Variants in EPB41 observed in about 807,000 individuals in gnomAD.
EPB41 encodes erythrocyte membrane protein band 4.1.
EPB41 carries 65 observed loss-of-function variants against 108.0 expected under a neutral mutation model. The ratio of observed to expected loss-of-function variants is 0.60; its 90% CI spans 0.49 to 0.74. The LOEUF (loss-of-function observed/expected upper bound fraction) is 0.74, where lower values mean the gene tolerates loss of function less well. Ranked by LOEUF, EPB41 falls within the 30% of genes least tolerant of loss-of-function variation. The pLI, the probability that EPB41 is intolerant of heterozygous loss-of-function variation, is 0.00. For missense variants in EPB41, 875 were observed against 1,037.0 expected (o/e 0.84, Z 2.15); for synonymous variants, 336 against 358.9 (o/e 0.94, Z 0.72).
chr1:29,038,925 C>G (rs1370491321), intron 10 of EPB41, among the ~76,000 whole-genome samples: 1 of 152,092 alleles, frequency 6.6e-6, no homozygotes, highest in Non-Finnish European at 1.5e-5. Context: ...TAAGTAACTT[C>G]TTTTTTGAGG....
rs1468243520 is a variant in EPB41, at chr1:29,119,417, C to T, written c.*2605C>T. On this transcript the variant is annotated 3_prime_UTR_variant, in exon 21 of 21. Transcript: ENST00000343067. Reference sequence around the variant, plus strand: ...CAGTTTTCCTAGAGTGACTCAGACACACCACAGTAACAACTCTCGCTGCAA... The same window carrying T: ...CAGTTTTCCTAGAGTGACTCAGACATACCACAGTAACAACTCTCGCTGCAA... 6.6e-6 allele frequency: 1 copy of T among 152,644 alleles called. No individual in the cohort carries two copies. Among genetic ancestry groups the T allele is most frequent in the Non-Finnish European group, 1.5e-5 (1 of 68,038 alleles). 9.5% of individuals were successfully genotyped at this position (152,644 alleles called of 1,614,324 possible). A position where few individuals can be genotyped will look rare whatever the true frequency, so the allele number is the denominator to read the frequency against.
intron 10 of EPB41, among the ~76,000 whole-genome samples, chr1:29,036,461 A>G (rs4654385): frequency 0.15 from 22,626 of 151,684 alleles, 2,068 homozygotes; most frequent in East Asian, 0.47. Context: ...CGCTTTCACT[A>G]TGTTGGTCAG....
intron 15 of EPB41, among the ~76,000 whole-genome samples, chr1:29,061,771 G>A (rs1015686509): frequency 2.0e-5 from 3 of 151,476 alleles, no homozygotes; most frequent in African/African-American, 7.3e-5. Context: ...GTAGAGACAG[G>A]ATCTCAGTAT....
At chr1:28,911,522 T>C (rs548245158), upstream of EPB41, among the ~76,000 whole-genome samples, 1 of 152,246 alleles carries the variant, frequency 6.6e-6, no homozygotes. Flanking sequence ...TAGCACTTCA[T>C]GGCATAGAGA....
rs372836360 is a variant in EPB41, at chr1:28,947,657, C to G, written c.-8+32889C>G. Among the ~76,000 whole-genome samples the G allele has an allele frequency of 7.3e-5, 11 of 151,148 alleles. No individual in the cohort carries two copies. In the East Asian group the frequency reaches 2.0e-3, roughly 27 times the overall value. The stretch of plus-strand genomic sequence containing the variant: ...GTGTGGCCAACATGATGAAACCTGT[C>G]TCTATCAAAAATACAAAAATTAGCT... On this transcript the variant is annotated intron_variant, in intron 1 of 20. Transcript: ENST00000343067.
intron 16 of EPB41, among the ~76,000 whole-genome samples, chr1:29,074,832 A>G (rs1231985110): frequency 6.6e-6 from 1 of 152,224 alleles, no homozygotes; most frequent in African/African-American, 2.4e-5. Context: ...TATAGATAAC[A>G]TTGTGGAGAA....
At chr1:28,957,427 C>T (rs991083530) in intron 1 of EPB41, among the ~76,000 whole-genome samples, 7 of 151,784 alleles carry the variant, frequency 4.6e-5, no homozygotes, top group Admixed American at 1.3e-4. Flanking sequence ...TTTTTTGAAA[C>T]GGAGTCTCAC....
intron 17 of EPB41, 59 bp from the exon 18 acceptor site, chr1:29,109,277 T>C (rs1442548307): frequency 3.7e-5 from 49 of 1,308,300 alleles, no homozygotes; most frequent in Non-Finnish European, 5.4e-5. Flanking sequence ...AGCTGCAGCC[T>C]GCAACATTTG....
chr1:28,922,176 G>T (rs992484208), intron 1 of EPB41, among the ~76,000 whole-genome samples: 2 of 151,374 alleles, frequency 1.3e-5, no homozygotes, highest in African/African-American at 4.9e-5. Context: ...CACCGTGTTG[G>T]TTAGACTGGT....
At chr1:29,096,091 TCA>T in intron 16 of EPB41, 2 of 931,332 alleles carry the variant, frequency 2.1e-6, no homozygotes, top group Non-Finnish European at 2.6e-6. Flanking sequence ...TTGTTGATTC[TCA>T]GAGTTCATTC....
At chr1:29,010,841 A>AG (rs773159146) in intron 4 of EPB41, among the ~76,000 whole-genome samples, 21 of 152,312 alleles carry the variant, frequency 1.4e-4, no homozygotes, top group Middle Eastern at 3.4e-3. Flanking sequence ...GGCCAGGCAT[A>AG]GTGGCTCATG....
At chr1:29,065,215 G>A (rs754129093) in intron 16 of EPB41, 57 bp downstream of exon 16, 2 of 1,505,188 alleles carry the variant, frequency 1.3e-6, no homozygotes, top group Non-Finnish European at 1.8e-6. Flanking sequence ...ATGTTTTTAT[G>A]TATTAATATT....
intron 2 of EPB41, chr1:28,989,355 G>A (rs1371527864): frequency 1.0e-6 from 1 of 965,584 alleles, no homozygotes; most frequent in East Asian, 1.1e-4. Flanking sequence ...TTTATTTTCA[G>A]CCTCACCATT....
chr1:29,060,606 T>C, intron 15 of EPB41, 122 bp downstream of exon 15: 3 of 824,458 alleles, frequency 3.6e-6, no homozygotes, highest in South Asian at 2.9e-5. Flanking sequence ...GAAGGGACTT[T>C]AGGTTTAAAA....
In EPB41 at chr1:28,994,102, G is replaced by A. The variant is rs952185447; in HGVS notation, c.681+560G>A. Among the ~76,000 whole-genome samples the A allele has an allele frequency of 2.2e-4, 33 of 152,088 alleles. 1 individual carries two copies. Among genetic ancestry groups the A allele is most frequent in the African/African-American group, 7.5e-4 (31 of 41,416 alleles). ...CTGAAAGAATAAGTGATTGAATCAG[G>A]ATTGAAGAAAAATATCAGAGTTATT... On this transcript the variant is annotated intron_variant, in intron 3 of 20. Coordinates refer to ENST00000343067, the MANE Select transcript of EPB41 (RefSeq NM_001376013.1).
intron 7 of EPB41, among the ~76,000 whole-genome samples, chr1:29,022,776 A>G (rs1347344317): frequency 6.6e-6 from 1 of 152,018 alleles, no homozygotes; most frequent in African/African-American, 2.4e-5. Flanking sequence ...TTCAAACTAC[A>G]TGTCTGTGTG....
chr1:28,907,740 G>A (rs2091945544), intron 1 of EPB41, among the ~76,000 whole-genome samples: 1 of 152,050 alleles, frequency 6.6e-6, no homozygotes, highest in South Asian at 2.1e-4. Flanking sequence ...AGTCTCTCGA[G>A]TAGCTGGGAC....
chr1:28,949,942 T>G (rs954737199), intron 1 of EPB41, among the ~76,000 whole-genome samples: 4 of 152,224 alleles, frequency 2.6e-5, no homozygotes, highest in Non-Finnish European at 5.9e-5. Flanking sequence ...TGGTACTGCA[T>G]ATAGCTTCAG....
intron 16 of EPB41, among the ~76,000 whole-genome samples, chr1:29,093,762 G>A (rs981653211): frequency 8.5e-5 from 13 of 152,078 alleles, no homozygotes; most frequent in Admixed American, 2.0e-4. Context: ...AAAATTAGCC[G>A]TGCGTGGTGG....
Sources: gnomAD v4.1 joint callset for allele counts (sites outside exome capture counted in the v4.1 genomes callset) on GRCh38, gnomAD v4.1.1 for gene constraint, MANE v1.5 for transcripts, NCBI Gene and HGNC (gene_info 2026-07-23, HGNC 2026-07-21) for gene names.